NEDD4: variants seen among roughly 807,000 people sequenced by gnomAD.
The protein encoded by NEDD4 is E3 ubiquitin-protein ligase NEDD4.
Under a neutral mutation model 144.9 loss-of-function variants are expected in NEDD4, and 99 were observed. The observed-to-expected ratio is 0.68, with a 90% CI of 0.58 to 0.81. The LOEUF (loss-of-function observed/expected upper bound fraction) is 0.81. Among genes scored for constraint, NEDD4 ranks in the 30% least tolerant of loss-of-function variants. The pLI, the probability that NEDD4 is intolerant of heterozygous loss-of-function variation, is 0.00. For missense variants in NEDD4, 985 were observed against 1,065.9 expected (o/e 0.92, Z 1.06); for synonymous variants, 318 against 350.6 (o/e 0.91, Z 1.04).
chr15:55,964,310 T>TG lies in NEDD4; in HGVS notation c.119+2162_119+2163insC, dbSNP rs398070669. On this transcript the variant is annotated intron_variant, in intron 2 of 28. Coordinates refer to ENST00000435532, the MANE Select transcript of NEDD4 (RefSeq NM_006154.4). ...GCTCTGTTGTTGTTGTTGTTGTTGT[T>TG]TTTCTCCAATCTTTGTCTCTCTCAT... Among the ~76,000 whole-genome samples, 6 of 152,016 alleles carry TG rather than the reference T, an allele frequency of 3.9e-5. No individual in the cohort carries two copies. In the East Asian group the frequency reaches 9.6e-4, roughly 24 times the overall value.
chr15:55,872,778 G>T (rs533790555), intron 6 of NEDD4, among the ~76,000 whole-genome samples: 29 of 152,212 alleles, frequency 1.9e-4, no homozygotes, highest in Non-Finnish European at 3.5e-4. Context: ...CATCCCAAAA[G>T]AACACGGACT....
chr15:55,903,941 C>A (rs2036000466), intron 5 of NEDD4, among the ~76,000 whole-genome samples: 2 of 151,614 alleles, frequency 1.3e-5, no homozygotes, highest in Admixed American at 6.6e-5. Context: ...GGGAGGATCA[C>A]CTGAGGTCAG....
At chr15:55,851,178 G>T (rs892286283) in intron 13 of NEDD4, among the ~76,000 whole-genome samples, 7 of 152,092 alleles carry the variant, frequency 4.6e-5, no homozygotes, top group Admixed American at 6.5e-5. Flanking sequence ...CACAGAAGTA[G>T]ATTCAAATGA....
In NEDD4 at chr15:55,829,238, T is replaced by G. The variant is rs967582117; in HGVS notation, c.*659A>C. The G allele has an allele frequency of 6.6e-6, 1 of 152,214 alleles. No individual in the cohort carries two copies. The highest frequency in any genetic ancestry group is 1.5e-5 in the Non-Finnish European group (1 of 68,044). 9.4% of individuals were successfully genotyped at this position (152,214 alleles called of 1,614,324 possible). ...ACCATCTGTTTAGTAAAACTGCATATTAACAAAAGCCAAATACTTCGAAAG... is the reference window on the plus strand; with the variant it reads ...ACCATCTGTTTAGTAAAACTGCATAGTAACAAAAGCCAAATACTTCGAAAG... On this transcript the variant is annotated 3_prime_UTR_variant, in exon 29 of 29. Coordinates refer to ENST00000435532, the MANE Select transcript of NEDD4 (RefSeq NM_006154.4).
At chr15:55,911,534 AT>A (rs1187831917) in intron 5 of NEDD4, among the ~76,000 whole-genome samples, 81 of 150,578 alleles carry the variant, frequency 5.4e-4, no homozygotes, top group African/African-American at 1.7e-3. Flanking sequence ...CTGAAAAAAA[AT>A]TTTTTTTTTT....
intron 1 of NEDD4, among the ~76,000 whole-genome samples, chr15:55,982,989 A>G (rs1289181234): frequency 6.6e-6 from 1 of 151,938 alleles, no homozygotes; most frequent in Non-Finnish European, 1.5e-5. Flanking sequence ...AGGCATGGTG[A>G]CTGGCGCCTG....
intron 5 of NEDD4, among the ~76,000 whole-genome samples, chr15:55,919,634 A>G (rs2142221664): frequency 6.6e-6 from 1 of 152,338 alleles, no homozygotes; most frequent in South Asian, 2.1e-4. Context: ...TAAGTGTAGA[A>G]GAACTGGAGG....
At chr15:55,865,410 C>T (rs1458717822) in intron 8 of NEDD4, among the ~76,000 whole-genome samples, 1 of 151,860 alleles carries the variant, frequency 6.6e-6, no homozygotes, top group Non-Finnish European at 1.5e-5. Context: ...TAGTAACAAA[C>T]TTTTGAAAAT....
chr15:55,974,686 G>A (rs1473735074), intron 1 of NEDD4, among the ~76,000 whole-genome samples: 1 of 151,260 alleles, frequency 6.6e-6, no homozygotes, highest in African/African-American at 2.4e-5. Flanking sequence ...TTCAACTGAT[G>A]CTGAAAAAGT....
rs184141217 is a variant in NEDD4, at chr15:55,840,325, T to A, written c.2031+122A>T. ...CATAATAAAATGTTGAGGAAAAAGT[T>A]CATTTGTATTTTGAAACATGATAAT... On this transcript the variant is annotated intron_variant, in intron 21 of 28. Transcript: ENST00000435532. 2,798 of 891,040 alleles carry A rather than the reference T, an allele frequency of 3.1e-3. 22 individuals carry two copies. Among genetic ancestry groups the A allele is most frequent in the Non-Finnish European group, 2.2e-3 (1,353 of 607,002 alleles). The allele number at this position is 891,040 out of a possible 1,614,324, so 55.2% of individuals were successfully genotyped here.
chr15:55,891,059 T>G (rs1165720715), intron 5 of NEDD4, among the ~76,000 whole-genome samples: 1 of 152,202 alleles, frequency 6.6e-6, no homozygotes, highest in African/African-American at 2.4e-5. Flanking sequence ...TTTATTGCTC[T>G]ATATTTGTTG....
chr15:55,943,663 T>C (rs1605837), intron 4 of NEDD4, among the ~76,000 whole-genome samples: 118,241 of 152,146 alleles, frequency 0.78, 46,186 homozygotes, highest in African/African-American at 0.84. Context: ...GTCTGGATAT[T>C]GCAGGGGCAG....
intron 1 of NEDD4, among the ~76,000 whole-genome samples, chr15:55,982,544 G>C (rs763321473): frequency 1.3e-5 from 2 of 152,134 alleles, no homozygotes; most frequent in Non-Finnish European, 2.9e-5. Context: ...ACAGACAAAA[G>C]TAATCCATGG....
chr15:55,877,485 T>C (rs928507691), intron 5 of NEDD4, among the ~76,000 whole-genome samples: 16 of 152,218 alleles, frequency 1.1e-4, no homozygotes, highest in Non-Finnish European at 2.1e-4. Flanking sequence ...TTAACTTCAA[T>C]CATTTGGTTA....
intron 4 of NEDD4, among the ~76,000 whole-genome samples, chr15:55,942,843 T>G (rs1310764592): frequency 1.3e-5 from 2 of 152,072 alleles, no homozygotes; most frequent in Non-Finnish European, 2.9e-5. Context: ...GAAAGGAGGA[T>G]GATGGAAAGA....
chr15:55,845,989 G>A (rs966883764), intron 18 of NEDD4, among the ~76,000 whole-genome samples: 1 of 151,782 alleles, frequency 6.6e-6, no homozygotes, highest in Admixed American at 6.6e-5. Flanking sequence ...GTTTCACCAC[G>A]TTGGCCAGGC....
intron 2 of NEDD4, among the ~76,000 whole-genome samples, chr15:55,953,712 G>T (rs1292452499): frequency 6.6e-6 from 1 of 150,676 alleles, no homozygotes; most frequent in Non-Finnish European, 1.5e-5. Flanking sequence ...AAAGTGCTGG[G>T]ATTACAGGCA....
At position 55,872,415 on chromosome 15, in the gene NEDD4, CT is replaced by C; in HGVS notation, c.403del (p.Ser135ValfsTer10). ...CTATTATTATTTTATATTTACTGACCTTCTTGGATGAAGAACAAAATCCTTA... is the reference window on the plus strand; with the variant it reads ...CTATTATTATTTTATATTTACTGACCTCTTGGATGAAGAACAAAATCCTTA... Reference protein sequence around the residue: ...TFKDFVLHPRSHKSRVKGYLR... With the variant: ...TFKDFVLHPRXHKSRVKGYLR... On this transcript the variant is annotated frameshift_variant and splice_region_variant, in exon 7 of 29. Coordinates refer to ENST00000435532, the MANE Select transcript of NEDD4 (RefSeq NM_006154.4). LOFTEE classifies it high-confidence loss of function. The C allele has an allele frequency of 7.0e-7, 1 of 1,420,766 alleles. No homozygotes were observed. The highest frequency in any genetic ancestry group is 1.4e-5 in the South Asian group (1 of 71,336). 88.0% of individuals were successfully genotyped at this position (1,420,766 alleles called of 1,614,324 possible). A position where few individuals can be genotyped will look rare whatever the true frequency, so the allele number is the denominator to read the frequency against.
intron 4 of NEDD4, among the ~76,000 whole-genome samples, chr15:55,935,717 T>C (rs577412162): frequency 3.5e-4 from 53 of 151,494 alleles, no homozygotes; most frequent in Non-Finnish European, 6.8e-4. Context: ...CGTGGTGGCA[T>C]GCGCCTGTAG....
Sources: allele counts gnomAD v4.1 joint callset (sites outside exome capture counted in the v4.1 genomes callset), GRCh38; gene constraint gnomAD v4.1.1; transcripts MANE v1.5; gene names NCBI Gene and HGNC (gene_info 2026-07-23, HGNC 2026-07-21).